The following SUDS3 variants were observed in gnomAD, a reference collection of about 807,000 sequenced individuals.
SUDS3 encodes the protein SIN3A corepressor complex component SDS3.
In SUDS3, 23 loss-of-function variants were observed where a neutral mutation model predicts 53.5. That is an observed-to-expected ratio of 0.43 (90% confidence interval 0.31 to 0.61). The LOEUF (loss-of-function observed/expected upper bound fraction) is 0.61. Ranked by LOEUF, SUDS3 falls within the 20% of genes least tolerant of loss-of-function variation. The probability of loss-of-function intolerance (pLI) is 0.10; values close to 1 mark genes in which losing one functional copy is unlikely to be tolerated. For synonymous variants in SUDS3, 150 were observed against 148.5 expected, an observed-to-expected ratio of 1.01 and a Z score of -0.08; for missense variants, 291 against 405.9, an observed-to-expected ratio of 0.72 and a Z score of 2.43.
At position 118,376,837 on chromosome 12, in the gene SUDS3, A is replaced by G. The variant is rs1323525979; in HGVS notation, c.142+4A>G. 6.7e-7 allele frequency: 1 copy of G among 1,488,472 alleles called. No homozygotes were observed. Among genetic ancestry groups the G allele is most frequent in the Non-Finnish European group, 8.9e-7 (1 of 1,120,374 alleles). 92.2% of individuals were successfully genotyped at this position (1,488,472 alleles called of 1,614,324 possible). On this transcript the variant is annotated splice_donor_region_variant and intron_variant, in intron 1 of 11. Transcript: ENST00000543473. ...CGGGGCCGCGAGTCGGACGAAGGTGAGTCCTGCCGCTCGCCCGGCCGCCCG... is the reference window on the plus strand; with the variant it reads ...CGGGGCCGCGAGTCGGACGAAGGTGGGTCCTGCCGCTCGCCCGGCCGCCCG...
In SUDS3 at chr12:118,391,277, C is replaced by G. The variant is rs1356118967; in HGVS notation, c.512C>G (p.Thr171Ser). The change falls in exon 6 of 12, where the codon ACT becomes AGT. Residue 171 changes from threonine (T) to serine (S), a missense_variant. This residue lies in a region of SUDS3 where 55 missense variants were observed against 124.2 expected (regional missense o/e 0.44). Coordinates refer to ENST00000543473, the MANE Select transcript of SUDS3 (RefSeq NM_022491.3). ...IENEKLTMEL[T>S]GDSMEVKPIM... Reference sequence around the variant, plus strand: ...AATGAAAAGCTGACAATGGAACTGACTGGAGGTAGGAAAGCCCTATGGGGT... The same window carrying G: ...AATGAAAAGCTGACAATGGAACTGAGTGGAGGTAGGAAAGCCCTATGGGGT... 6.2e-7 allele frequency: 1 copy of G among 1,609,724 alleles called. No individual in the cohort carries two copies. The highest frequency in any genetic ancestry group is 8.5e-7 in the Non-Finnish European group (1 of 1,178,746).
At chr12:118,388,619 G>T (rs2046135805) in intron 4 of SUDS3, among the ~76,000 whole-genome samples, 1 of 152,190 alleles carries the variant, frequency 6.6e-6, no homozygotes, top group South Asian at 2.1e-4. Flanking sequence ...GTGCTTTAAG[G>T]CATCTGAAGG....
intron 2 of SUDS3, among the ~76,000 whole-genome samples, chr12:118,381,048 A>C (rs1159433332): frequency 6.6e-6 from 1 of 151,736 alleles, no homozygotes; most frequent in African/African-American, 2.4e-5. Flanking sequence ...ATGCACAGAG[A>C]GGGTAATTGT....
rs368691605 is a variant in SUDS3 at position 118,378,796 on chromosome 12, C to T, written c.143-1366C>T. Among the ~76,000 whole-genome samples, 70 of 152,264 alleles carry T rather than the reference C, an allele frequency of 4.6e-4. No individual in the cohort carries two copies. In the South Asian group the frequency reaches 0.014, roughly 31 times the overall value. On this transcript the variant is annotated intron_variant, in intron 1 of 11. Transcript: ENST00000543473. ...GTTCAAGCAATTCTCCTGCCTCAGC[C>T]TCCTGAGTAGCTGGGATTACAGGCA...
intron 1 of SUDS3, 110 bp downstream of exon 1, chr12:118,376,943 T>G: frequency 7.7e-7 from 1 of 1,302,220 alleles, no homozygotes; most frequent in Non-Finnish European, 9.9e-7. Flanking sequence ...TGGGGCTGCG[T>G]GGAGGGGCCG....
intron 10 of SUDS3, among the ~76,000 whole-genome samples, chr12:118,405,628 T>TC (rs1330485983): frequency 6.6e-6 from 1 of 152,226 alleles, no homozygotes; most frequent in Admixed American, 6.5e-5. Context: ...TTGTTTTTTT[T>TC]CTCTATTCTG....
At chr12:118,409,535 T>C (rs1328409873) in intron 10 of SUDS3, among the ~76,000 whole-genome samples, 1 of 152,226 alleles carries the variant, frequency 6.6e-6, no homozygotes, top group Non-Finnish European at 1.5e-5. Context: ...TTAAAGAGAA[T>C]TGAGACCCTA....
chr12:118,376,575 C>A lies in SUDS3; in HGVS notation c.-117C>A. On this transcript the variant is annotated 5_prime_UTR_variant, in exon 1 of 12. Transcript: ENST00000543473. ...TCGGCGGAGACGGGGAAGGGGTCGCCGTGGCTGCCGGTCCTCGAGTTGGGG... is the reference window on the plus strand; with the variant it reads ...TCGGCGGAGACGGGGAAGGGGTCGCAGTGGCTGCCGGTCCTCGAGTTGGGG... The A allele has an allele frequency of 2.5e-6, 3 of 1,220,194 alleles. No homozygotes were observed. Among genetic ancestry groups the A allele is most frequent in the East Asian group, 3.2e-5 (1 of 31,200 alleles). 75.6% of individuals were successfully genotyped at this position (1,220,194 alleles called of 1,614,324 possible).
chr12:118,398,493 A>G (rs997582610), intron 6 of SUDS3, among the ~76,000 whole-genome samples: 2 of 151,778 alleles, frequency 1.3e-5, no homozygotes, highest in Non-Finnish European at 2.9e-5. Flanking sequence ...GTGTGTTTAT[A>G]CTTCCAAGTA....
intron 6 of SUDS3, 129 bp downstream of exon 6, chr12:118,391,411 C>G (rs377056912): frequency 1.3e-5 from 13 of 1,038,646 alleles, no homozygotes; most frequent in African/African-American, 1.6e-5. Flanking sequence ...CCTCATAGAT[C>G]AGAGTTCCTC....
At position 118,376,614 on chromosome 12, in the gene SUDS3, C is replaced by G. The variant is rs2045997551; in HGVS notation, c.-78C>G. ...CTCGAGTTGGGGGCTGCCGCGGACA[C>G]TGCTAGGCAGACGGCGAGTACCGAG... is the stretch of plus-strand genomic sequence containing the variant. On this transcript the variant is annotated 5_prime_UTR_variant, in exon 1 of 12. Transcript: ENST00000543473. 1 of 1,368,856 alleles carries G rather than the reference C, an allele frequency of 7.3e-7. No individual in the cohort carries two copies. The highest frequency in any genetic ancestry group is 9.4e-7 in the Non-Finnish European group (1 of 1,067,104). The allele number at this position is 1,368,856 out of a possible 1,614,324, so 84.8% of individuals were successfully genotyped here. A position where few individuals can be genotyped will look rare whatever the true frequency, so the allele number is the denominator to read the frequency against.
At chr12:118,401,945 A>AT (rs1314420950) in intron 8 of SUDS3, 38 bp from the exon 9 acceptor site, 7 of 1,613,506 alleles carry the variant, frequency 4.3e-6, no homozygotes, top group Non-Finnish European at 5.9e-6. Context: ...ACCTGAAATG[A>AT]TTTTCTCTAA....
rs114747531 is a variant in SUDS3, at chr12:118,388,486, C to T, written c.341-1441C>T. Among the ~76,000 whole-genome samples the T allele has an allele frequency of 6.6e-3, 1,009 of 152,188 alleles. 12 individuals are homozygous for T. The highest frequency in any genetic ancestry group is 0.023 in the African/African-American group (968 of 41,524). On this transcript the variant is annotated intron_variant, in intron 4 of 11. Transcript: ENST00000543473. ...CATGGAGCAATTTTGCTTCAAGTTG[C>T]GGGTTTGTAGACAGGTTTGTGCTCT...
At chr12:118,395,332 T>A (rs2046205330) in intron 6 of SUDS3, among the ~76,000 whole-genome samples, 1 of 149,500 alleles carries the variant, frequency 6.7e-6, no homozygotes, top group Non-Finnish European at 1.5e-5. Flanking sequence ...TTCACGCCAT[T>A]CTCCTGCCTC....
rs868842222 is a variant in SUDS3 at position 118,409,345 on chromosome 12, C to T, written c.804-1728C>T. On this transcript the variant is annotated intron_variant, in intron 10 of 11. Coordinates refer to ENST00000543473, the MANE Select transcript of SUDS3 (RefSeq NM_022491.3). ...TGTTTTTAGTAGAGATGGGGTTTCA[C>T]CATGTTGGCCAGGCTGGTCTCGATC... 6.6e-5 allele frequency among the ~76,000 whole-genome samples: 10 copies of T among 152,168 alleles called. No individual in the cohort carries two copies. The South Asian group carries it at 1.2e-3, about 19-fold the overall frequency.
chr12:118,387,501 G>A (rs566686065), intron 4 of SUDS3, among the ~76,000 whole-genome samples: 2 of 152,174 alleles, frequency 1.3e-5, no homozygotes, highest in East Asian at 1.9e-4. Flanking sequence ...AGCAGAGTGA[G>A]TATTGAGTTG....
intron 2 of SUDS3, among the ~76,000 whole-genome samples, chr12:118,382,920 G>A (rs1333354111): frequency 2.6e-5 from 4 of 151,802 alleles, no homozygotes; most frequent in Admixed American, 6.6e-5. Context: ...CACCCGCCTC[G>A]GCCTCCTAAA....
intron 11 of SUDS3, 121 bp downstream of exon 11, chr12:118,411,278 G>T: frequency 1.2e-6 from 1 of 836,082 alleles, no homozygotes; most frequent in Non-Finnish European, 1.9e-6. Flanking sequence ...TTCTATGTGG[G>T]TTAGATTCTA....
chr12:118,376,781 G>GGAGAGCGCCGAGGACGAC lies in SUDS3; in HGVS notation c.94_111dup (p.Ser32_Glu37dup). 6.4e-7 allele frequency: 1 copy of GGAGAGCGCCGAGGACGAC among 1,554,036 alleles called. No homozygotes were observed. Among genetic ancestry groups the GGAGAGCGCCGAGGACGAC allele is most frequent in the Non-Finnish European group, 8.7e-7 (1 of 1,155,560 alleles). ...ACTACCCCGAGGAGGATGAAGAGCTGGAGAGCGCCGAGGACGACGAGCGCA... is the reference window on the plus strand; with the variant it reads ...ACTACCCCGAGGAGGATGAAGAGCTGGAGAGCGCCGAGGACGACGAGAGCGCCGAGGACGACGAGCGCA... On this transcript the variant is annotated inframe_insertion, in exon 1 of 12. Transcript: ENST00000543473.
Sources: gnomAD v4.1 joint callset for allele counts (sites outside exome capture counted in the v4.1 genomes callset) on GRCh38, gnomAD v4.1.1 for gene constraint, gnomAD v4.1.1 regional missense constraint, MANE v1.5 for transcripts, NCBI Gene and HGNC (gene_info 2026-07-23, HGNC 2026-07-21) for gene names.